Variants in LUZP2 observed in about 807,000 individuals in gnomAD.
The protein encoded by LUZP2 is leucine zipper protein 2.
In LUZP2, 52 loss-of-function variants were observed where a neutral mutation model predicts 51.6. That is an observed-to-expected ratio of 1.01 (90% CI 0.81 to 1.27). The LOEUF is 1.27. LUZP2 is among the 50% of genes most tolerant of loss of function. The probability of loss-of-function intolerance (pLI) is 0.00; values close to 1 mark genes in which losing one functional copy is unlikely to be tolerated. For synonymous variants in LUZP2, 154 were observed against 137.3 expected (o/e 1.12, Z -0.85); for missense variants, 436 against 395.4 (o/e 1.10, Z -0.87).
intron 10 of LUZP2, among the ~76,000 whole-genome samples, chr11:25,064,743 T>C (rs1345049282): frequency 2.0e-5 from 3 of 151,986 alleles, no homozygotes; most frequent in African/African-American, 7.2e-5. Context: ...GTTCTTTCCA[T>C]TTTCCCAATC....
At chr11:24,512,486 A>T (rs774935165) in intron 1 of LUZP2, among the ~76,000 whole-genome samples, 1 of 152,240 alleles carries the variant, frequency 6.6e-6, no homozygotes, top group African/African-American at 2.4e-5. Flanking sequence ...TTTCATAAAA[A>T]TTGAGAGAAC....
chr11:24,846,498 A>G (rs1196305836), intron 5 of LUZP2, among the ~76,000 whole-genome samples: 2 of 152,154 alleles, frequency 1.3e-5, no homozygotes, highest in Admixed American at 6.5e-5. Context: ...AAAATAAAAT[A>G]GAACAATTTC....
At position 24,816,567 on chromosome 11, in the gene LUZP2, A is replaced by T. The variant is rs368433455; in HGVS notation, c.396+53259A>T. Among the ~76,000 whole-genome samples, 83 of 152,202 alleles carry T rather than the reference A, an allele frequency of 5.5e-4. 3 individuals are homozygous for T. The South Asian group carries it at 0.017, about 31-fold the overall frequency. On this transcript the variant is annotated intron_variant, in intron 5 of 11. Coordinates refer to ENST00000336930, the MANE Select transcript of LUZP2 (RefSeq NM_001009909.4). ...TTAATATATAACCTTGACCCAGTCA[A>T]ATCTTGATTTTAATTGATGCCATAA...
At chr11:24,632,820 G>A (rs775830851) in intron 1 of LUZP2, among the ~76,000 whole-genome samples, 4 of 152,010 alleles carry the variant, frequency 2.6e-5, no homozygotes, top group African/African-American at 4.8e-5. Context: ...ATAGCCTGAA[G>A]TTGTCAGATA....
At chr11:24,911,019 T>C (rs1437368686) in intron 6 of LUZP2, among the ~76,000 whole-genome samples, 5 of 152,070 alleles carry the variant, frequency 3.3e-5, no homozygotes. Context: ...AGACATGGAG[T>C]CAAAGGAGAT....
chr11:24,865,818 TA>T (rs1476399616), intron 5 of LUZP2, among the ~76,000 whole-genome samples: 12 of 151,808 alleles, frequency 7.9e-5, no homozygotes, highest in Non-Finnish European at 1.3e-4. Context: ...TTTATGTATT[TA>T]TTTTTTTTGA....
chr11:24,950,458 C>A (rs1855043337), intron 7 of LUZP2, among the ~76,000 whole-genome samples: 1 of 151,502 alleles, frequency 6.6e-6, no homozygotes, highest in South Asian at 2.1e-4. Flanking sequence ...GTAGAAAAAT[C>A]AAAGTGACAG....
At chr11:24,669,981 C>A (rs1043435984) in intron 1 of LUZP2, among the ~76,000 whole-genome samples, 11 of 151,906 alleles carry the variant, frequency 7.2e-5, no homozygotes, top group African/African-American at 2.7e-4. Flanking sequence ...GTATGTTTAT[C>A]TGGCTACATT....
intron 1 of LUZP2, among the ~76,000 whole-genome samples, chr11:24,702,303 T>C (rs1181844558): frequency 6.6e-6 from 1 of 152,154 alleles, no homozygotes; most frequent in Non-Finnish European, 1.5e-5. Flanking sequence ...GTGTTAAGAA[T>C]TGTGTACAAA....
intron 1 of LUZP2, among the ~76,000 whole-genome samples, chr11:24,507,944 C>A (rs1405295553): frequency 6.6e-6 from 1 of 151,440 alleles, no homozygotes; most frequent in Non-Finnish European, 1.5e-5. Context: ...TTAGTTAATT[C>A]TCCTAGAGTG....
At chr11:24,944,409 C>T (rs1255372278) in intron 7 of LUZP2, among the ~76,000 whole-genome samples, 1 of 152,100 alleles carries the variant, frequency 6.6e-6, no homozygotes, top group African/African-American at 2.4e-5. Context: ...AAATTCTAAA[C>T]ATATGCATAT....
chr11:24,916,321 A>G (rs2133804797), intron 7 of LUZP2, among the ~76,000 whole-genome samples: 1 of 151,558 alleles, frequency 6.6e-6, no homozygotes, highest in African/African-American at 2.4e-5. Context: ...TGCTCTTTTT[A>G]TTTTTTATTT....
intron 7 of LUZP2, among the ~76,000 whole-genome samples, chr11:24,958,417 G>T (rs1855276752): frequency 6.6e-6 from 1 of 152,058 alleles, no homozygotes; most frequent in Non-Finnish European, 1.5e-5. Context: ...AGCACCTGTT[G>T]TTTCCTGACT....
intron 1 of LUZP2, among the ~76,000 whole-genome samples, chr11:24,528,295 C>T (rs898720058): frequency 6.6e-6 from 1 of 151,152 alleles, no homozygotes; most frequent in African/African-American, 2.4e-5. Flanking sequence ...AGTTTCCTTA[C>T]TGCAGGAATT....
rs769684372 is a variant in LUZP2, at chr11:24,738,152, T to G, written c.252-69T>G. The stretch of plus-strand genomic sequence containing the variant: ...TGTATACAGCAAAGCTCCTTCCTTT[T>G]ATAATGTTCATAGGAAATAATGGAA... On this transcript the variant is annotated intron_variant, in intron 3 of 11. Coordinates refer to ENST00000336930, the MANE Select transcript of LUZP2 (RefSeq NM_001009909.4). The G allele has an allele frequency of 7.1e-5, 80 of 1,125,672 alleles. No homozygotes were observed. The South Asian group carries it at 1.1e-3, about 15-fold the overall frequency. 69.7% of individuals were successfully genotyped at this position (1,125,672 alleles called of 1,614,324 possible).
chr11:25,027,720 A>G (rs1590852302), intron 9 of LUZP2, among the ~76,000 whole-genome samples: 1 of 152,064 alleles, frequency 6.6e-6, no homozygotes, highest in South Asian at 2.1e-4. Context: ...AAATAAAAAA[A>G]TTAGCCGGGC....
intron 7 of LUZP2, among the ~76,000 whole-genome samples, chr11:24,934,045 A>C (rs1412921042): frequency 6.6e-6 from 1 of 152,180 alleles, no homozygotes; most frequent in Non-Finnish European, 1.5e-5. Flanking sequence ...AGGGTAGGGG[A>C]ATATCACAAA....
At chr11:24,919,730 T>G (rs899273776) in intron 7 of LUZP2, among the ~76,000 whole-genome samples, 13 of 150,354 alleles carry the variant, frequency 8.6e-5, no homozygotes, top group Non-Finnish European at 1.9e-4. Flanking sequence ...TAACTTGAGT[T>G]ATAGTTTTTA....
intron 1 of LUZP2, among the ~76,000 whole-genome samples, chr11:24,497,572 T>C (rs1849865059): frequency 6.6e-6 from 1 of 152,164 alleles, no homozygotes. Flanking sequence ...AAAGACATTT[T>C]ACCCTCCGGT....
Sources: allele counts gnomAD v4.1 joint callset (sites outside exome capture counted in the v4.1 genomes callset), GRCh38; gene constraint gnomAD v4.1.1; transcripts MANE v1.5; gene names NCBI Gene and HGNC (gene_info 2026-07-23, HGNC 2026-07-21).